Variants in RBFOX1 observed in about 807,000 individuals in gnomAD.
The protein encoded by RBFOX1 is RNA binding fox-1 homolog 1.
In RBFOX1, 8 loss-of-function variants were observed where a neutral mutation model predicts 57.7. The observed-to-expected ratio is 0.14, with a 90% CI of 0.08 to 0.25. The LOEUF (loss-of-function observed/expected upper bound fraction) is 0.25. Among genes scored for constraint, RBFOX1 ranks in the 10% least tolerant of loss-of-function variants. The probability of loss-of-function intolerance (pLI) is 1.00; values close to 1 mark genes in which losing one functional copy is unlikely to be tolerated. For synonymous variants in RBFOX1, 326 were observed against 222.4 expected (o/e 1.47, Z -4.15); for missense variants, 611 against 548.5 (o/e 1.11, Z -1.14).
chr16:6,680,889 A>G (rs1359527938), intron 3 of RBFOX1, among the ~76,000 whole-genome samples: 1 of 152,234 alleles, frequency 6.6e-6, no homozygotes, highest in African/African-American at 2.4e-5. Flanking sequence ...TGAGCATAGA[A>G]TTGAATCAAT....
intron 1 of RBFOX1, among the ~76,000 whole-genome samples, chr16:5,392,189 G>A (rs1281433578): frequency 1.3e-5 from 2 of 152,054 alleles, no homozygotes; most frequent in Admixed American, 1.3e-4. Flanking sequence ...ATTATGTACT[G>A]CTTGGGTGAT....
chr16:5,479,538 G>A (rs12446193), intron 2 of RBFOX1, among the ~76,000 whole-genome samples: 1 of 151,958 alleles, frequency 6.6e-6, no homozygotes, highest in East Asian at 1.9e-4. Context: ...GCAGGTGGAT[G>A]ACCTGAGGTC....
At chr16:7,087,561 A>T (rs2060180160) in intron 4 of RBFOX1, among the ~76,000 whole-genome samples, 1 of 141,200 alleles carries the variant, frequency 7.1e-6, no homozygotes, top group Admixed American at 7.0e-5. Context: ...AGAGAGAGAG[A>T]GAAGGAGGGA....
intron 3 of RBFOX1, among the ~76,000 whole-genome samples, chr16:6,716,144 T>G (rs952291653): frequency 6.6e-6 from 1 of 152,222 alleles, no homozygotes; most frequent in Admixed American, 6.5e-5. Context: ...TAGAGGGAAC[T>G]TAGATAGGTT....
intron 3 of RBFOX1, among the ~76,000 whole-genome samples, chr16:7,013,605 A>G (rs750779492): frequency 6.6e-6 from 1 of 152,186 alleles, no homozygotes; most frequent in African/African-American, 2.4e-5. Context: ...CACAACTACT[A>G]ATGTTATATT....
chr16:6,478,388 A>AATAT lies in RBFOX1; in HGVS notation c.-64+161370_-64+161373dup, dbSNP rs71406379. On this transcript the variant is annotated intron_variant, in intron 2 of 15. Coordinates refer to ENST00000550418, the MANE Select transcript of RBFOX1 (RefSeq NM_018723.4). The stretch of plus-strand genomic sequence containing the variant: ...CAGGTACCTGCCACTACACCCAGCT[A>AATAT]ATATATATATATATATATATATATA... Among the ~76,000 whole-genome samples, 135 of 41,428 alleles carry AATAT rather than the reference A, an allele frequency of 3.3e-3. 1 individual carries two copies. Among genetic ancestry groups the AATAT allele is most frequent in the African/African-American group, 6.1e-3 (54 of 8,784 alleles). 27.2% of individuals were successfully genotyped at this position (41,428 alleles called of 152,430 possible).
At chr16:6,602,679 A>G (rs1326449670) in intron 2 of RBFOX1, among the ~76,000 whole-genome samples, 1 of 152,192 alleles carries the variant, frequency 6.6e-6, no homozygotes, top group Non-Finnish European at 1.5e-5. Context: ...TGGACAGCTC[A>G]TATGTTCATC....
At chr16:5,337,399 A>G (rs184453780) in intron 1 of RBFOX1, among the ~76,000 whole-genome samples, 94 of 152,328 alleles carry the variant, frequency 6.2e-4, no homozygotes, top group Non-Finnish European at 6.5e-4. Context: ...CATACTTTAT[A>G]TTCAGACAAG....
At chr16:6,099,093 G>A (rs2096276639) in intron 1 of RBFOX1, among the ~76,000 whole-genome samples, 1 of 152,120 alleles carries the variant, frequency 6.6e-6, no homozygotes, top group African/African-American at 2.4e-5. Context: ...TGAGTCCAGG[G>A]GGCGACACAT....
intron 1 of RBFOX1, among the ~76,000 whole-genome samples, chr16:5,380,009 C>T (rs1458533079): frequency 6.6e-6 from 1 of 152,182 alleles, no homozygotes; most frequent in Non-Finnish European, 1.5e-5. Flanking sequence ...CACAGCCTTG[C>T]AGTGGGCGGT....
intron 3 of RBFOX1, among the ~76,000 whole-genome samples, chr16:6,788,417 G>A (rs1288631461): frequency 6.6e-6 from 1 of 151,218 alleles, no homozygotes; most frequent in East Asian, 1.9e-4. Context: ...AAAATAGTCA[G>A]CCTGCTTTGG....
intron 4 of RBFOX1, among the ~76,000 whole-genome samples, chr16:7,457,990 T>A (rs139936705): frequency 6.6e-6 from 1 of 152,270 alleles, no homozygotes; most frequent in African/African-American, 2.4e-5. Context: ...CATTCCACAG[T>A]TCCTACCCTG....
intron 1 of RBFOX1, among the ~76,000 whole-genome samples, chr16:6,034,598 A>C (rs2095339896): frequency 6.6e-6 from 1 of 152,146 alleles, no homozygotes; most frequent in Non-Finnish European, 1.5e-5. Flanking sequence ...CAGAGTCTTC[A>C]TGGTCTAAAC....
intron 3 of RBFOX1, among the ~76,000 whole-genome samples, chr16:7,045,440 A>T (rs1190337701): frequency 1.3e-5 from 2 of 152,122 alleles, no homozygotes; most frequent in Non-Finnish European, 2.9e-5. Context: ...ATTTGGCTTC[A>T]TTTGAAGGAC....
chr16:7,305,999 A>G (rs1313576770), intron 4 of RBFOX1, among the ~76,000 whole-genome samples: 1 of 152,218 alleles, frequency 6.6e-6, no homozygotes, highest in Admixed American at 6.5e-5. Flanking sequence ...GAGCATTTCT[A>G]TAGATGCTAA....
intron 4 of RBFOX1, among the ~76,000 whole-genome samples, chr16:7,197,981 T>G (rs2087185791): frequency 6.7e-6 from 1 of 148,226 alleles, no homozygotes; most frequent in South Asian, 2.1e-4. Context: ...GCTCATACCT[T>G]GTGGTTTTCT....
rs1355971431 is a variant in RBFOX1 at position 7,211,423 on chromosome 16, G to A, written c.27+159325G>A. On this transcript the variant is annotated intron_variant, in intron 4 of 15. Transcript: ENST00000550418. ...AAAAAAAAAAAAAAATTGGACTCTG[G>A]TTTCTAAATTTAAACGTTTATCCAG... 4.1e-5 allele frequency among the ~76,000 whole-genome samples: 6 copies of A among 146,882 alleles called. No homozygotes were observed. The South Asian group carries it at 8.8e-4, about 21-fold the overall frequency.
intron 5 of RBFOX1, among the ~76,000 whole-genome samples, chr16:7,559,059 C>T (rs1033577672): frequency 1.3e-5 from 2 of 152,148 alleles, no homozygotes; most frequent in African/African-American, 4.8e-5. Flanking sequence ...AGGTAGTAAT[C>T]CTATTTCCCT....
At chr16:6,486,007 AATT>A (rs1273599561) in intron 2 of RBFOX1, among the ~76,000 whole-genome samples, 1 of 134,696 alleles carries the variant, frequency 7.4e-6, no homozygotes, top group Non-Finnish European at 1.5e-5. Context: ...AGGACCAGCT[AATT>A]ATTTTTCTTT....
Sources: allele counts gnomAD v4.1 joint callset (sites outside exome capture counted in the v4.1 genomes callset), GRCh38; gene constraint gnomAD v4.1.1; transcripts MANE v1.5; gene names NCBI Gene and HGNC (gene_info 2026-07-23, HGNC 2026-07-21).